Variants in DLGAP2 observed in about 807,000 individuals in gnomAD.
The protein encoded by DLGAP2 is DLG associated protein 2.
In DLGAP2, 26 loss-of-function variants were observed where a neutral mutation model predicts 100.3. The ratio of observed to expected loss-of-function variants is 0.26; its 90% CI spans 0.19 to 0.36. The LOEUF (loss-of-function observed/expected upper bound fraction) is 0.36, where lower values mean the gene tolerates loss of function less well. DLGAP2 is among the 10% of genes least tolerant of loss of function. The pLI, the probability that DLGAP2 is intolerant of heterozygous loss-of-function variation, is 1.00. For missense variants in DLGAP2, 1,858 were observed against 1,453.2 expected (o/e 1.28, Z -4.53); for synonymous variants, 886 against 630.1 (o/e 1.41, Z -6.08).
intron 2 of DLGAP2, chr8:926,965 G>T (rs949909331): frequency 2.1e-6 from 2 of 954,418 alleles, no homozygotes; most frequent in Non-Finnish European, 2.5e-6. Context: ...TGGGGACAGC[G>T]TGGGGGGAAG....
intron 1 of DLGAP2, among the ~76,000 whole-genome samples, chr8:866,484 T>A (rs1797500577): frequency 6.6e-6 from 1 of 152,128 alleles, no homozygotes; most frequent in Non-Finnish European, 1.5e-5. Flanking sequence ...CTGCATAGGG[T>A]AGCTGATCAG....
chr8:1,505,256 T>C lies in DLGAP2; in HGVS notation c.172+3825T>C, dbSNP rs1035099668. 1.2e-3 allele frequency among the ~76,000 whole-genome samples: 184 copies of C among 152,358 alleles called. 1 individual carries two copies. The highest frequency in any genetic ancestry group is 4.4e-4 in the Non-Finnish European group (30 of 68,038). On this transcript the variant is annotated intron_variant, in intron 4 of 14. Transcript: ENST00000637795. The stretch of plus-strand genomic sequence containing the variant: ...AATTAAAAACACTTCATAATGATCT[T>C]GATGCTATTATAGTGAATGAGTAAC...
At chr8:1,447,423 C>T (rs573693796) in intron 3 of DLGAP2, among the ~76,000 whole-genome samples, 2 of 152,254 alleles carry the variant, frequency 1.3e-5, no homozygotes, top group African/African-American at 4.8e-5. Context: ...TCCTTGCATC[C>T]CAGGGATGAA....
chr8:1,109,986 A>G (rs1804895163), intron 2 of DLGAP2, among the ~76,000 whole-genome samples: 2 of 106,814 alleles, frequency 1.9e-5, no homozygotes, highest in Admixed American at 9.5e-5. Context: ...CGGGTCTGTG[A>G]GGTGTGCATG....
intron 1 of DLGAP2, chr8:754,114 G>C (rs536928139): frequency 1.3e-5 from 2 of 152,248 alleles, no homozygotes; most frequent in African/African-American, 4.8e-5. Context: ...TACAGCGTGG[G>C]AGGCCTCAGA....
intron 3 of DLGAP2, among the ~76,000 whole-genome samples, chr8:1,260,862 C>G (rs1403453455): frequency 6.6e-6 from 1 of 152,212 alleles, no homozygotes; most frequent in Admixed American, 6.5e-5. Flanking sequence ...TCAGGGCTCT[C>G]CAGCCTTAGG....
intron 3 of DLGAP2, among the ~76,000 whole-genome samples, chr8:1,428,212 G>GA (rs952262945): frequency 8.6e-5 from 13 of 151,096 alleles, no homozygotes; most frequent in African/African-American, 2.9e-4. Context: ...CACCAAATCA[G>GA]AAAAAAAATT....
intron 3 of DLGAP2, among the ~76,000 whole-genome samples, chr8:1,418,557 C>T (rs767324080): frequency 2.0e-5 from 3 of 152,176 alleles, no homozygotes; most frequent in Non-Finnish European, 4.4e-5. Context: ...GCTGCCAGTG[C>T]TCTCTCTGCA....
At chr8:1,631,398 A>G (rs1797641862) in intron 7 of DLGAP2, among the ~76,000 whole-genome samples, 1 of 152,150 alleles carries the variant, frequency 6.6e-6, no homozygotes, top group South Asian at 2.1e-4. Flanking sequence ...TTTGACAGGA[A>G]TGACACAATC....
At chr8:1,640,452 C>T (rs946396662) in intron 8 of DLGAP2, among the ~76,000 whole-genome samples, 6 of 152,196 alleles carry the variant, frequency 3.9e-5, no homozygotes, top group Non-Finnish European at 8.8e-5. Context: ...CGATATCGTG[C>T]GGGAGTCGGT....
intron 1 of DLGAP2, among the ~76,000 whole-genome samples, chr8:769,948 G>A (rs1346816269): frequency 6.6e-6 from 1 of 151,032 alleles, no homozygotes; most frequent in Non-Finnish European, 1.5e-5. Context: ...CGACCCCAGA[G>A]TCACTTGTGC....
At position 802,239 on chromosome 8, in the gene DLGAP2, C is replaced by G. The variant is rs533257474; in HGVS notation, c.18+64414C>G. 3.8e-4 allele frequency among the ~76,000 whole-genome samples: 57 copies of G among 151,316 alleles called. 1 individual carries two copies. The highest frequency in any genetic ancestry group is 1.0e-3 in the African/African-American group (42 of 41,090). ...CCATCCTCATGGCCTGGGGAATGGT[C>G]TGCACTCCTCCTGGGCCCTCCGTCC... On this transcript the variant is annotated intron_variant, in intron 1 of 14. Coordinates refer to ENST00000637795, the MANE Select transcript of DLGAP2 (RefSeq NM_001346810.2).
At chr8:1,145,784 C>A (rs1796596026) in intron 2 of DLGAP2, among the ~76,000 whole-genome samples, 1 of 131,896 alleles carries the variant, frequency 7.6e-6, no homozygotes, top group Non-Finnish European at 1.5e-5. Flanking sequence ...CCACAATAGT[C>A]CCCAGAGTGT....
At chr8:853,481 A>T (rs995576866) in intron 1 of DLGAP2, among the ~76,000 whole-genome samples, 10 of 152,358 alleles carry the variant, frequency 6.6e-5, no homozygotes, top group African/African-American at 2.4e-4. Context: ...GCTTAGGTAC[A>T]GGATGCCCCT....
chr8:993,609 C>T (rs1800692203), intron 2 of DLGAP2, among the ~76,000 whole-genome samples: 2 of 152,112 alleles, frequency 1.3e-5, no homozygotes. Flanking sequence ...ATTGCTGATG[C>T]CTGGTGTGTA....
chr8:1,208,621 T>C (rs199825204), intron 2 of DLGAP2, among the ~76,000 whole-genome samples: 1 of 35,148 alleles, frequency 2.8e-5, no homozygotes, highest in East Asian at 1.9e-3. Context: ...CTAGAAGTCC[T>C]AGCCAGAGCA....
At chr8:871,350 C>A (rs1797594914) in intron 1 of DLGAP2, among the ~76,000 whole-genome samples, 1 of 152,208 alleles carries the variant, frequency 6.6e-6, no homozygotes, top group Non-Finnish European at 1.5e-5. Flanking sequence ...TTTCCATTTG[C>A]ACTTTGGGTT....
chr8:1,386,311 G>T (rs550266387), intron 3 of DLGAP2, among the ~76,000 whole-genome samples: 4 of 152,192 alleles, frequency 2.6e-5, no homozygotes, highest in South Asian at 4.1e-4. Context: ...GATGGCAGGT[G>T]CATGAACTCC....
At chr8:1,087,927 C>A (rs968052480) in intron 2 of DLGAP2, among the ~76,000 whole-genome samples, 1 of 152,248 alleles carries the variant, frequency 6.6e-6, no homozygotes, top group African/African-American at 2.4e-5. Flanking sequence ...CTGGCACAGT[C>A]CGCCCTCAGG....
Sources: allele counts gnomAD v4.1 joint callset (sites outside exome capture counted in the v4.1 genomes callset), GRCh38; gene constraint gnomAD v4.1.1; transcripts MANE v1.5; gene names NCBI Gene and HGNC (gene_info 2026-07-23, HGNC 2026-07-21).